The following STK39 variants were observed in gnomAD, a reference collection of about 807,000 sequenced individuals.
STK39 encodes the protein STE20/SPS1-related proline-alanine-rich protein kinase.
STK39 carries 20 observed loss-of-function variants against 77.8 expected under a neutral mutation model. The ratio of observed to expected loss-of-function variants is 0.26; its 90% CI spans 0.18 to 0.37. STK39 has a LOEUF of 0.37. Ranked by LOEUF, STK39 falls within the 10% of genes least tolerant of loss-of-function variation. The probability of loss-of-function intolerance (pLI) is 1.00; values close to 1 mark genes in which losing one functional copy is unlikely to be tolerated. For missense variants in STK39, 479 were observed against 656.5 expected, an observed-to-expected ratio of 0.73 and a Z score of 2.95; for synonymous variants, 246 against 234.1, an observed-to-expected ratio of 1.05 and a Z score of -0.47.
intron 10 of STK39, among the ~76,000 whole-genome samples, chr2:168,108,955 T>C (rs1261062436): frequency 6.6e-6 from 1 of 152,182 alleles, no homozygotes; most frequent in Admixed American, 6.5e-5. Flanking sequence ...GTGTCCCATT[T>C]AATAGTCGTA....
At chr2:168,158,925 T>C (rs1023576444) in intron 5 of STK39, among the ~76,000 whole-genome samples, 2 of 152,214 alleles carry the variant, frequency 1.3e-5, no homozygotes, top group Admixed American at 6.5e-5. Context: ...CCAGGCTCAT[T>C]ATCCTATCCA....
chr2:168,115,738 A>G (rs1417644912), intron 10 of STK39, among the ~76,000 whole-genome samples: 1 of 152,162 alleles, frequency 6.6e-6, no homozygotes, highest in Non-Finnish European at 1.5e-5. Context: ...TTTTCTGGAG[A>G]AATGACTCTT....
chr2:168,014,668 T>C (rs139285181), intron 15 of STK39, among the ~76,000 whole-genome samples: 79 of 152,206 alleles, frequency 5.2e-4, no homozygotes, highest in Non-Finnish European at 8.8e-4. Flanking sequence ...GGGAAATAAG[T>C]GAACTGAATT....
At chr2:168,134,765 G>A (rs576654284) in intron 8 of STK39, among the ~76,000 whole-genome samples, 109 of 152,202 alleles carry the variant, frequency 7.2e-4, no homozygotes, top group African/African-American at 2.6e-3. Flanking sequence ...TACTCTCAGC[G>A]GCCTGAGAGT....
chr2:167,991,047 A>T (rs575011743), intron 16 of STK39, among the ~76,000 whole-genome samples: 1 of 152,340 alleles, frequency 6.6e-6, no homozygotes, highest in African/African-American at 2.4e-5. Flanking sequence ...AATCCAGATT[A>T]CCCAGTTGGG....
At chr2:168,105,815 A>G (rs928463418) in intron 10 of STK39, among the ~76,000 whole-genome samples, 2 of 152,194 alleles carry the variant, frequency 1.3e-5, no homozygotes, top group African/African-American at 4.8e-5. Flanking sequence ...GCCCTACTGA[A>G]GGGCTATATT....
At chr2:168,086,673 C>A (rs573679563) in intron 10 of STK39, among the ~76,000 whole-genome samples, 102 of 152,306 alleles carry the variant, frequency 6.7e-4, no homozygotes, top group African/African-American at 2.3e-3. Flanking sequence ...ACATTTATAG[C>A]AACTTCCTTA....
chr2:168,221,536 A>G (rs756177223), intron 1 of STK39, among the ~76,000 whole-genome samples: 12 of 152,300 alleles, frequency 7.9e-5, no homozygotes, highest in Non-Finnish European at 1.6e-4. Flanking sequence ...GACAGAATAG[A>G]TGGCTGGAAT....
intron 15 of STK39, among the ~76,000 whole-genome samples, chr2:168,014,261 G>A (rs2105315848): frequency 6.6e-6 from 1 of 152,234 alleles, no homozygotes; most frequent in East Asian, 1.9e-4. Flanking sequence ...AAGGCAAGAT[G>A]ACTGCTTGAG....
At chr2:168,185,787 G>C (rs1689193711) in intron 1 of STK39, among the ~76,000 whole-genome samples, 1 of 152,060 alleles carries the variant, frequency 6.6e-6, no homozygotes, top group African/African-American at 2.4e-5. Context: ...AGTGCATTTA[G>C]TGCAAAAAAG....
chr2:168,230,931 C>T (rs943113041), intron 1 of STK39, among the ~76,000 whole-genome samples: 1 of 152,062 alleles, frequency 6.6e-6, no homozygotes, highest in Non-Finnish European at 1.5e-5. Flanking sequence ...GGAATGAGCC[C>T]GTCCATTTTC....
intron 12 of STK39, among the ~76,000 whole-genome samples, chr2:168,074,280 G>T (rs1057478203): frequency 6.6e-6 from 1 of 152,178 alleles, no homozygotes; most frequent in Non-Finnish European, 1.5e-5. Context: ...ATTTATTAAG[G>T]TATACATTAA....
chr2:167,985,375 G>T (rs1683532275), intron 16 of STK39, among the ~76,000 whole-genome samples: 1 of 152,180 alleles, frequency 6.6e-6, no homozygotes, highest in African/African-American at 2.4e-5. Flanking sequence ...AACATCGCAT[G>T]AATAAAATTA....
chr2:168,150,670 C>T (rs1338317505), intron 5 of STK39, among the ~76,000 whole-genome samples: 1 of 151,550 alleles, frequency 6.6e-6, no homozygotes, highest in East Asian at 2.0e-4. Flanking sequence ...AAGGTAATTG[C>T]GGTTTTAAAT....
intron 1 of STK39, among the ~76,000 whole-genome samples, chr2:168,193,542 A>T (rs1486985456): frequency 6.6e-6 from 1 of 152,216 alleles, no homozygotes; most frequent in South Asian, 2.1e-4. Flanking sequence ...CGGTGGAAGC[A>T]GCAGCATGCT....
At chr2:168,181,542 T>G (rs911987701) in intron 2 of STK39, among the ~76,000 whole-genome samples, 11 of 152,078 alleles carry the variant, frequency 7.2e-5, no homozygotes, top group Non-Finnish European at 1.0e-4. Flanking sequence ...CAAATTTGTG[T>G]GATGCTATAA....
rs966818306 is a variant in STK39, at chr2:168,100,429, T to TTTAG, written c.1090-25202_1090-25199dup. Among the ~76,000 whole-genome samples the TTTAG allele has an allele frequency of 1.6e-4, 25 of 152,156 alleles. No individual in the cohort carries two copies. The South Asian group carries it at 1.7e-3, about 10-fold the overall frequency. ...CTCAGTGTCTTCATTTATTTATTTA[T>TTTAG]TTAGTTAGTTAGTTTTAAAGATGAG... On this transcript the variant is annotated intron_variant, in intron 10 of 17. Transcript: ENST00000355999.
intron 5 of STK39, among the ~76,000 whole-genome samples, chr2:168,145,039 T>C (rs1342204041): frequency 1.3e-5 from 2 of 151,442 alleles, no homozygotes; most frequent in African/African-American, 4.8e-5. Flanking sequence ...AATCAAATAC[T>C]ATATTGTCTG....
intron 16 of STK39, among the ~76,000 whole-genome samples, chr2:167,993,676 TCCTTGTTTAAA>T (rs1427511317): frequency 3.3e-5 from 5 of 152,172 alleles, no homozygotes; most frequent in Non-Finnish European, 7.4e-5. Flanking sequence ...TGAGCTAAAG[TCCTTGTTTAAA>T]CCATTTTGAA....
Sources: gnomAD v4.1 joint callset for allele counts (sites outside exome capture counted in the v4.1 genomes callset) on GRCh38, gnomAD v4.1.1 for gene constraint, MANE v1.5 for transcripts, NCBI Gene and HGNC (gene_info 2026-07-23, HGNC 2026-07-21) for gene names.